SUGCT: variants seen among roughly 807,000 people sequenced by gnomAD.
SUGCT encodes succinyl-CoA:glutarate-CoA transferase.
In SUGCT, 41 loss-of-function variants were observed where a neutral mutation model predicts 55.0. The observed-to-expected ratio is 0.74, with a 90% CI of 0.58 to 0.97. The LOEUF is 0.97. Ranked by LOEUF, SUGCT falls within the 50% of genes least tolerant of loss-of-function variation. The pLI is 0.00. For missense variants in SUGCT, 568 were observed against 547.8 expected (o/e 1.04, Z -0.37); for synonymous variants, 187 against 200.4 (o/e 0.93, Z 0.56).
chr7:40,890,051 C>T, the SUGCT span, among the ~76,000 whole-genome samples: 1 of 151,636 alleles, frequency 6.6e-6, no homozygotes, highest in African/African-American at 2.4e-5. Flanking sequence ...AGTAGTTGTT[C>T]AATGAGCACT....
At chr7:40,227,993 C>T (rs1160514838) in intron 6 of SUGCT, among the ~76,000 whole-genome samples, 3 of 152,056 alleles carry the variant, frequency 2.0e-5, no homozygotes, top group Admixed American at 2.0e-4. Flanking sequence ...AGCGATTCTC[C>T]TGCCTCAGCC....
At chr7:40,514,570 T>C (rs60508745) in intron 12 of SUGCT, among the ~76,000 whole-genome samples, 95,671 of 151,770 alleles carry the variant, frequency 0.63, 32,531 homozygotes, top group African/African-American at 0.9. Context: ...ATTAGCCGTG[T>C]GTGGTGGCAC....
At chr7:40,740,920 A>G (rs1787428739) in intron 12 of SUGCT, among the ~76,000 whole-genome samples, 1 of 152,232 alleles carries the variant, frequency 6.6e-6, no homozygotes, top group South Asian at 2.1e-4. Context: ...AAATAAAGCC[A>G]TAATTTCAAT....
the SUGCT span, among the ~76,000 whole-genome samples, chr7:40,910,012 C>A: frequency 6.6e-6 from 1 of 152,080 alleles, no homozygotes; most frequent in Non-Finnish European, 1.5e-5. Flanking sequence ...AAGCTGGTGG[C>A]AACAGGGAGA....
At chr7:40,898,615 G>C in the SUGCT span, among the ~76,000 whole-genome samples, 2 of 151,914 alleles carry the variant, frequency 1.3e-5, no homozygotes, top group Non-Finnish European at 2.9e-5. Flanking sequence ...TCCTAGCTAC[G>C]GGGGAAGCTG....
chr7:40,477,705 C>A (rs1486124651), intron 11 of SUGCT, among the ~76,000 whole-genome samples: 1 of 151,940 alleles, frequency 6.6e-6, no homozygotes, highest in Admixed American at 6.6e-5. Context: ...TTGAAAATTT[C>A]TTTATTTTAA....
chr7:41,008,578 G>A, the SUGCT span, among the ~76,000 whole-genome samples: 4 of 151,948 alleles, frequency 2.6e-5, no homozygotes, highest in African/African-American at 4.8e-5. Context: ...CACAGCTTGC[G>A]TGTTCCTCTC....
chr7:40,599,527 G>A (rs1021016455), intron 12 of SUGCT, among the ~76,000 whole-genome samples: 7 of 151,768 alleles, frequency 4.6e-5, no homozygotes, highest in African/African-American at 1.7e-4. Context: ...CATGATTCTG[G>A]GTAATATAAG....
chr7:40,449,658 CT>C (rs887554771), intron 10 of SUGCT, among the ~76,000 whole-genome samples: 1 of 151,828 alleles, frequency 6.6e-6, no homozygotes. Flanking sequence ...GTATTTTTTT[CT>C]TTTTTTCACC....
At chr7:40,342,703 C>T (rs961145278) in intron 9 of SUGCT, among the ~76,000 whole-genome samples, 156 of 151,736 alleles carry the variant, frequency 1.0e-3, no homozygotes, top group African/African-American at 3.4e-3. Context: ...AGTGCAGTGG[C>T]GTGATCTTGA....
intron 7 of SUGCT, among the ~76,000 whole-genome samples, chr7:40,251,822 C>A (rs1790429550): frequency 6.6e-6 from 1 of 151,842 alleles, no homozygotes; most frequent in Non-Finnish European, 1.5e-5. Flanking sequence ...AGGTGCTGTC[C>A]ACACAGGCAG....
intron 11 of SUGCT, among the ~76,000 whole-genome samples, chr7:40,481,803 A>G (rs1471710608): frequency 6.6e-6 from 1 of 152,168 alleles, no homozygotes; most frequent in African/African-American, 2.4e-5. Flanking sequence ...TGCATTTGAC[A>G]CTTACTCTTC....
At chr7:40,996,737 T>A in the SUGCT span, among the ~76,000 whole-genome samples, 1 of 152,206 alleles carries the variant, frequency 6.6e-6, no homozygotes, top group Non-Finnish European at 1.5e-5. Context: ...ATGTTCCACC[T>A]TCCTTCAGCT....
intron 12 of SUGCT, among the ~76,000 whole-genome samples, chr7:40,585,295 C>T (rs571369722): frequency 3.7e-4 from 56 of 152,336 alleles, no homozygotes; most frequent in Admixed American, 7.2e-4. Context: ...ATTCATGAGA[C>T]ATATAGTGGC....
At chr7:40,779,882 A>G (rs1176805637) in intron 13 of SUGCT, among the ~76,000 whole-genome samples, 1 of 152,124 alleles carries the variant, frequency 6.6e-6, no homozygotes, top group African/African-American at 2.4e-5. Flanking sequence ...CATGTCTTTT[A>G]TTTCTGAGAT....
At chr7:40,896,597 G>A in the SUGCT span, among the ~76,000 whole-genome samples, 1,030 of 152,136 alleles carry the variant, frequency 6.8e-3, 10 homozygotes, top group African/African-American at 0.023. Flanking sequence ...CCTTTTGCTC[G>A]GCACTTCTCC....
chr7:40,245,404 C>CACATATATATATATAT (rs1252155153), intron 7 of SUGCT, among the ~76,000 whole-genome samples: 45 of 53,304 alleles, frequency 8.4e-4, no homozygotes, highest in African/African-American at 4.2e-3. Context: ...ACGTAGTAGA[C>CACATATATATATATAT]ATATATATAT....
chr7:40,683,977 T>C, intron 12 of SUGCT: 1 of 1,577,778 alleles, frequency 6.3e-7, no homozygotes, highest in Non-Finnish European at 8.6e-7. Context: ...ATTTCCTTGA[T>C]CATGTGTGTT....
rs1300648097 is a variant in SUGCT, at chr7:40,181,606, C to T, written c.153-349C>T. Among the ~76,000 whole-genome samples, 3 of 152,082 alleles carry T rather than the reference C, an allele frequency of 2.0e-5. No homozygotes were observed. In the South Asian group the frequency reaches 6.2e-4, roughly 32 times the overall value. ...TAAAAATACAAAAAAATTAGCCAGG[C>T]GTGGTGGTGGGCACCTGTAGTCCCA... On this transcript the variant is annotated intron_variant, in intron 2 of 13. Transcript: ENST00000335693.
Sources: allele counts gnomAD v4.1 joint callset (sites outside exome capture counted in the v4.1 genomes callset), GRCh38; gene constraint gnomAD v4.1.1; transcripts MANE v1.5; gene names NCBI Gene and HGNC (gene_info 2026-07-23, HGNC 2026-07-21).